The following ITPR2 variants were observed in gnomAD, a reference collection of about 807,000 sequenced individuals.
The protein encoded by ITPR2 is inositol 1,4,5-trisphosphate receptor type 2, also known as inositol 1,4,5-trisphosphate-gated calcium channel ITPR2.
A neutral mutation model predicts 317.1 loss-of-function variants in ITPR2; 207 were observed. That is an observed-to-expected ratio of 0.65 (90% CI 0.58 to 0.73). The LOEUF (loss-of-function observed/expected upper bound fraction) is 0.73, where lower values mean the gene tolerates loss of function less well. ITPR2 is among the 30% of genes least tolerant of loss of function. ITPR2 has a pLI of 0.00. For missense variants in ITPR2, 2,613 were observed against 3,284.0 expected (o/e 0.80, Z 4.99); for synonymous variants, 1,156 against 1,149.1 (o/e 1.01, Z -0.12).
intron 40 of ITPR2, chr12:26,486,713 T>A: frequency 1.8e-6 from 1 of 543,446 alleles, no homozygotes; most frequent in East Asian, 4.6e-5. Flanking sequence ...GATTTTGTCA[T>A]TCTGAATACC....
intron 37 of ITPR2, among the ~76,000 whole-genome samples, chr12:26,550,038 T>C (rs1219487065): frequency 6.6e-6 from 1 of 151,828 alleles, no homozygotes; most frequent in East Asian, 1.9e-4. Flanking sequence ...AACAAATATC[T>C]AGGAAACTCT....
intron 52 of ITPR2, among the ~76,000 whole-genome samples, chr12:26,404,579 G>T (rs1940286993): frequency 6.6e-6 from 1 of 152,108 alleles, no homozygotes; most frequent in African/African-American, 2.4e-5. Flanking sequence ...AAATGGTAGA[G>T]AAAAAGCAGT....
At chr12:26,486,774 A>G in intron 40 of ITPR2, 1 of 590,432 alleles carries the variant, frequency 1.7e-6, no homozygotes, top group Non-Finnish European at 3.2e-6. Flanking sequence ...TTAAAGTTTC[A>G]TTTTCATGGT....
At chr12:26,809,168 C>G (rs1343224825) in intron 1 of ITPR2, among the ~76,000 whole-genome samples, 1 of 152,156 alleles carries the variant, frequency 6.6e-6, no homozygotes, top group Non-Finnish European at 1.5e-5. Flanking sequence ...AAAGGAAAAA[C>G]AGGAACCAGG....
chr12:26,682,467 T>C (rs1948052350), intron 12 of ITPR2, 107 bp downstream of exon 12: 2 of 705,716 alleles, frequency 2.8e-6, no homozygotes, highest in South Asian at 2.0e-5. Flanking sequence ...TGATCTGTAA[T>C]ATTGGTGAAG....
chr12:26,581,297 C>T (rs1945398005), intron 32 of ITPR2, among the ~76,000 whole-genome samples: 1 of 152,100 alleles, frequency 6.6e-6, no homozygotes, highest in Admixed American at 6.6e-5. Context: ...CAGCATTTGC[C>T]AAATGGAGGC....
chr12:26,380,641 C>T (rs10771282), intron 55 of ITPR2, among the ~76,000 whole-genome samples: 93,033 of 151,976 alleles, frequency 0.61, 28,788 homozygotes, highest in East Asian at 0.79. Context: ...TTAGTGTAAA[C>T]TAGAAGTAAT....
chr12:26,352,484 T>C (rs1301906559), intron 55 of ITPR2, among the ~76,000 whole-genome samples: 1 of 152,240 alleles, frequency 6.6e-6, no homozygotes, highest in Non-Finnish European at 1.5e-5. Flanking sequence ...CACAAATTCA[T>C]TCTCTCCCTA....
rs1336794296 is a variant in ITPR2, at chr12:26,494,197, A to G, written c.5326T>C (p.Phe1776Leu). The G allele has an allele frequency of 6.2e-7, 1 of 1,613,374 alleles. No homozygotes were observed. The highest frequency in any genetic ancestry group is 8.5e-7 in the Non-Finnish European group (1 of 1,179,690). ...CCTTCAAGCAAGGCAATGCCGAGGA[A>G]AATGCCTTCTGAAAAAATTCTGTCA... ...KNDRIFSEGIFLGIALLEGGN... is the reference protein window; with the variant it reads ...KNDRIFSEGILLGIALLEGGN... Residue 1776 changes from phenylalanine (F) to leucine (L), a missense_variant, in exon 39 of 57, where the codon TTC (phenylalanine) becomes CTC (leucine). Physicochemically the swap from Phe to Leu is conservative, Grantham distance 22. Transcript: ENST00000381340.
chr12:26,808,014 C>G (rs113161627), intron 1 of ITPR2, among the ~76,000 whole-genome samples: 3,544 of 152,262 alleles, frequency 0.023, 60 homozygotes, highest in South Asian at 0.049. Context: ...AAGTACTTAA[C>G]CCAAGCAGGG....
At chr12:26,665,441 C>T (rs532616875) in intron 14 of ITPR2, among the ~76,000 whole-genome samples, 11 of 152,300 alleles carry the variant, frequency 7.2e-5, no homozygotes, top group African/African-American at 2.2e-4. Context: ...TCCTTAACTA[C>T]GGGTTAGATT....
At chr12:26,684,326 T>C (rs1384982825) in intron 11 of ITPR2, among the ~76,000 whole-genome samples, 2 of 152,190 alleles carry the variant, frequency 1.3e-5, no homozygotes, top group East Asian at 1.9e-4. Flanking sequence ...GAGTAAAGCC[T>C]GCACCCCACC....
chr12:26,593,982 CTCTT>C (rs1171133501), intron 32 of ITPR2, among the ~76,000 whole-genome samples: 1 of 152,190 alleles, frequency 6.6e-6, no homozygotes, highest in Non-Finnish European at 1.5e-5. Flanking sequence ...AGTCTATAAT[CTCTT>C]TAATATCCTC....
At chr12:26,586,858 G>C (rs1300019327) in intron 32 of ITPR2, among the ~76,000 whole-genome samples, 1 of 152,142 alleles carries the variant, frequency 6.6e-6, no homozygotes, top group South Asian at 2.1e-4. Context: ...ATTCATGTTT[G>C]TATTGCCTAG....
At chr12:26,609,193 A>G (rs1451767861) in intron 26 of ITPR2, among the ~76,000 whole-genome samples, 1 of 152,222 alleles carries the variant, frequency 6.6e-6, no homozygotes, top group Non-Finnish European at 1.5e-5. Flanking sequence ...GCCTGATCTA[A>G]AACAAATGTA....
intron 55 of ITPR2, among the ~76,000 whole-genome samples, chr12:26,360,327 T>G (rs535277525): frequency 6.6e-6 from 1 of 152,338 alleles, no homozygotes; most frequent in South Asian, 2.1e-4. Context: ...AGTTCATCTC[T>G]TCTCGCTCCT....
intron 52 of ITPR2, among the ~76,000 whole-genome samples, chr12:26,407,804 A>C (rs1240763266): frequency 6.6e-6 from 1 of 152,222 alleles, no homozygotes; most frequent in Admixed American, 6.5e-5. Context: ...CGAAAATGTA[A>C]GGATAACTAG....
At chr12:26,376,219 T>C (rs1473925818) in intron 55 of ITPR2, among the ~76,000 whole-genome samples, 12 of 152,224 alleles carry the variant, frequency 7.9e-5, no homozygotes, top group African/African-American at 2.7e-4. Context: ...TAACTTACAA[T>C]TGTGGAGGTA....
chr12:26,609,437 T>A (rs1946214022), intron 26 of ITPR2, among the ~76,000 whole-genome samples: 2 of 152,052 alleles, frequency 1.3e-5, no homozygotes, highest in Admixed American at 6.6e-5. Flanking sequence ...TGAAACCCCA[T>A]GCCTACAAAA....
Sources: allele counts gnomAD v4.1 joint callset (sites outside exome capture counted in the v4.1 genomes callset), GRCh38; gene constraint gnomAD v4.1.1; transcripts MANE v1.5; gene names NCBI Gene and HGNC (gene_info 2026-07-23, HGNC 2026-07-21).